The following DACT3 variants were observed in gnomAD, a reference collection of about 807,000 sequenced individuals.
The protein encoded by DACT3 is dishevelled binding antagonist of beta catenin 3, also known as dapper homolog 3.
A neutral mutation model predicts 19.6 loss-of-function variants in DACT3; 5 were observed. That is an observed-to-expected ratio of 0.26 (90% CI 0.13 to 0.54). DACT3 has a LOEUF of 0.54. Ranked by LOEUF, DACT3 falls within the 20% of genes least tolerant of loss-of-function variation. The pLI is 0.95. For missense variants in DACT3, 908 were observed against 927.4 expected, an observed-to-expected ratio of 0.98 and a Z score of 0.27; for synonymous variants, 454 against 428.1, an observed-to-expected ratio of 1.06 and a Z score of -0.75.
At chr19:46,655,929 A>C (rs141960698) in intron 1 of DACT3, among the ~76,000 whole-genome samples, 64,380 of 123,256 alleles carry the variant, frequency 0.52, 14,603 homozygotes, top group African/African-American at 0.56. Flanking sequence ...CTCTCTCTAT[A>C]TATATATATA....
chr19:46,654,559 C>T (rs192669282), intron 1 of DACT3: 131 of 984,988 alleles, frequency 1.3e-4, no homozygotes, highest in Non-Finnish European at 1.5e-4. Flanking sequence ...AGGAAAAGAG[C>T]ACTTCTCACG....
intron 2 of DACT3, 80 bp from the exon 3 acceptor site, chr19:46,652,892 G>C: frequency 2.6e-6 from 4 of 1,540,360 alleles, no homozygotes; most frequent in Non-Finnish European, 2.6e-6. Context: ...GAGATGGCGT[G>C]GGGAGAGACA....
At position 46,649,306 on chromosome 19, in the gene DACT3, T is replaced by C; in HGVS notation, c.1066A>G (p.Lys356Glu). The C allele has an allele frequency of 1.6e-6, 2 of 1,230,744 alleles. No homozygotes were observed. The highest frequency in any genetic ancestry group is 3.8e-5 in the East Asian group (1 of 26,608). The allele number at this position is 1,230,744 out of a possible 1,614,324, so 76.2% of individuals were successfully genotyped here. Reference protein sequence around the residue: ...PDSPAEGRLVKAQYIPGAQAA... With the variant: ...PDSPAEGRLVEAQYIPGAQAA... ...TGCGCGCCCGGGATGTACTGCGCCTTCACCAAGCGGCCCTCAGCCGGGCTG... is the reference window on the plus strand; with the variant it reads ...TGCGCGCCCGGGATGTACTGCGCCTCCACCAAGCGGCCCTCAGCCGGGCTG... Residue 356 changes from lysine (K) to glutamate (E), a missense_variant, in exon 4 of 4, where the codon AAG (lysine) becomes GAG (glutamate). Physicochemically the swap from Lys to Glu is moderately conservative, Grantham distance 56. Transcript: ENST00000391916.
At chr19:46,654,522 G>A (rs1203105993) in intron 1 of DACT3, 1 of 919,024 alleles carries the variant, frequency 1.1e-6, no homozygotes, top group African/African-American at 1.8e-5. Context: ...AAATTTCCAT[G>A]AGTCTACCCT....
At chr19:46,653,835 T>C (rs2053009798) in intron 1 of DACT3, among the ~76,000 whole-genome samples, 1 of 152,160 alleles carries the variant, frequency 6.6e-6, no homozygotes, top group East Asian at 1.9e-4. Flanking sequence ...ATTACAGGCA[T>C]GAGCCACTGC....
chr19:46,661,092 C>A lies in DACT3; in HGVS notation c.-28G>T, dbSNP rs1205958902. ...CTGCGGCCCCCCGCCCCAGCCCGGC[C>A]GGGCCCCGCGGCCACCCCTCTCCCG... On this transcript the variant is annotated 5_prime_UTR_variant, in exon 1 of 4. Coordinates refer to ENST00000391916, the MANE Select transcript of DACT3 (RefSeq NM_145056.3). 1.9e-5 allele frequency: 27 copies of A among 1,397,452 alleles called. No individual in the cohort carries two copies. Among genetic ancestry groups the A allele is most frequent in the Non-Finnish European group, 2.3e-5 (25 of 1,083,962 alleles). The allele number at this position is 1,397,452 out of a possible 1,614,324, so 86.6% of individuals were successfully genotyped here.
intron 1 of DACT3, among the ~76,000 whole-genome samples, chr19:46,657,667 G>A (rs2053043223): frequency 6.6e-6 from 1 of 151,268 alleles, no homozygotes; most frequent in Non-Finnish European, 1.5e-5. Context: ...AGTTTCTTTT[G>A]ACACATAATA....
chr19:46,650,532 C>CT (rs1242199516), intron 3 of DACT3: 1 of 151,902 alleles, frequency 6.6e-6, no homozygotes, highest in Non-Finnish European at 1.5e-5. Context: ...ATCCTCTCGC[C>CT]TTATCTTCCT....
At chr19:46,657,447 G>A (rs2053041532) in intron 1 of DACT3, among the ~76,000 whole-genome samples, 3 of 144,420 alleles carry the variant, frequency 2.1e-5, no homozygotes, top group South Asian at 2.3e-4. Flanking sequence ...TCCGCCTCCC[G>A]GGTTCACGCC....
intron 1 of DACT3, chr19:46,659,390 G>A (rs566878768): frequency 2.1e-6 from 2 of 974,658 alleles, no homozygotes; most frequent in Non-Finnish European, 2.4e-6. Context: ...GAGGGCAGAG[G>A]GGGAGAGGAC....
At position 46,648,827 on chromosome 19, in the gene DACT3, G is replaced by A; in HGVS notation, c.1545C>T (p.Tyr515=). Residue 515 remains tyrosine, a synonymous_variant, in exon 4 of 4, where the codon TAC becomes TAT. Transcript: ENST00000391916. This position sits in a 1 kb window ranked among gnomAD's most constrained non-coding sequence, Gnocchi z 5.1. ...ACTCGGAGTCGCTGCCCGCGCAGCC[G>A]TAAAGCAGACGACGCTGGGGAGCTG... ...SPSAPQRRLL[Y]GCAGSDSECS... is the part of the protein sequence containing the mutation. 1.3e-6 allele frequency: 2 copies of A among 1,512,370 alleles called. No individual in the cohort carries two copies. 93.7% of individuals were successfully genotyped at this position (1,512,370 alleles called of 1,614,324 possible).
chr19:46,649,425 C>A lies in DACT3; in HGVS notation c.947G>T (p.Ser316Ile). 7.9e-7 allele frequency: 1 copy of A among 1,269,210 alleles called. No homozygotes were observed. Among genetic ancestry groups the A allele is most frequent in the South Asian group, 1.9e-5 (1 of 51,890 alleles). 78.6% of individuals were successfully genotyped at this position (1,269,210 alleles called of 1,614,324 possible). A position where few individuals can be genotyped will look rare whatever the true frequency, so the allele number is the denominator to read the frequency against. The change falls in exon 4 of 4, where the codon AGC (serine) becomes ATC (isoleucine). Residue 316 changes from serine (S) to isoleucine (I), a missense_variant. Around this residue, in one of 2 missense-constraint regions of DACT3, gnomAD observed 656 missense variants for 601.8 expected, o/e 1.09. Transcript: ENST00000391916. ...SLERVGGHPT[S>I]PAALSRAWAS... ...CCAGGCGCGGCTCAAGGCGGCAGGGCTGGTGGGGTGGCCCCCGACGCGCTC... is the reference window on the plus strand; with the variant it reads ...CCAGGCGCGGCTCAAGGCGGCAGGGATGGTGGGGTGGCCCCCGACGCGCTC...
rs1187211977 is a variant in DACT3, at chr19:46,652,696, G to A, written c.463C>T (p.Arg155Trp). Reference sequence around the variant, plus strand: ...GGCCTCTCACTGGCATAGATGCCCCGGGGCTCAGAGGGACCCAGGCGACCA... The same window carrying A: ...GGCCTCTCACTGGCATAGATGCCCCAGGGCTCAGAGGGACCCAGGCGACCA... ...SYGRLGPSEP[R>W]GIYASERPKS... The change falls in exon 3 of 4, where the codon CGG becomes TGG. Residue 155 changes from arginine (R) to tryptophan (W), a missense_variant. Arg to Trp is a moderately radical substitution (Grantham distance 101). Coordinates refer to ENST00000391916, the MANE Select transcript of DACT3 (RefSeq NM_145056.3). The A allele has an allele frequency of 8.4e-6, 13 of 1,551,426 alleles. No individual in the cohort carries two copies. The highest frequency in any genetic ancestry group is 9.6e-6 in the Non-Finnish European group (11 of 1,146,972).
Position 46,648,948 on chromosome 19 carries a change from C to G in DACT3, c.1424G>C (p.Arg475Pro). The change falls in exon 4 of 4, where the codon CGC becomes CCC. Residue 475 changes from arginine (R) to proline (P), a missense_variant. Arg to Pro is a moderately radical substitution (Grantham distance 103). This residue lies in a region of DACT3 where 656 missense variants were observed against 601.8 expected (regional missense o/e 1.09). Coordinates refer to ENST00000391916, the MANE Select transcript of DACT3 (RefSeq NM_145056.3). The surrounding 1 kb of genome is among the most constrained non-coding windows in gnomAD (Gnocchi z 5.1). ...LAAQAAGSCR[R>P]WRSTAEIDAA... is the part of the protein sequence containing the mutation. ...GTCGATCTCCGCAGTGGAGCGCCAGCGACGGCAGGACCCTGCGGCCTGGGC... is the reference window on the plus strand; with the variant it reads ...GTCGATCTCCGCAGTGGAGCGCCAGGGACGGCAGGACCCTGCGGCCTGGGC... 1 of 1,338,250 alleles carries G rather than the reference C, an allele frequency of 7.5e-7. No homozygotes were observed. The highest frequency in any genetic ancestry group is 1.5e-5 in the African/African-American group (1 of 64,688). The allele number at this position is 1,338,250 out of a possible 1,614,324, so 82.9% of individuals were successfully genotyped here.
intron 1 of DACT3, chr19:46,654,940 C>T (rs937130342): frequency 3.1e-5 from 31 of 985,236 alleles, no homozygotes; most frequent in Non-Finnish European, 3.5e-5. Context: ...CTCTGGGCTC[C>T]TGCCCTGGGT....
chr19:46,652,812 C>T lies in DACT3; in HGVS notation c.347G>A (p.Gly116Asp). The T allele has an allele frequency of 6.5e-7, 1 of 1,548,280 alleles. No individual in the cohort carries two copies. The highest frequency in any genetic ancestry group is 1.2e-5 in the South Asian group (1 of 83,966). The part of the protein sequence containing the change: ...GLEQESGRSS[G>D]FYEDPSSTGG... The stretch of plus-strand genomic sequence containing the variant: ...TGTAGAGCTGGGATCTTCATAGAAG[C>T]CTAAATTTCCAGGAGAAGCAGAGAG... Residue 116 changes from glycine (G) to aspartate (D), a missense_variant and splice_region_variant, in exon 3 of 4, where the codon GGC becomes GAC. Transcript: ENST00000391916.
intron 1 of DACT3, among the ~76,000 whole-genome samples, chr19:46,659,698 A>G (rs967599864): frequency 1.3e-5 from 2 of 151,704 alleles, no homozygotes; most frequent in East Asian, 3.9e-4. Flanking sequence ...AGCGGCGGGG[A>G]GAGCCCCCTC....
Position 46,648,507 on chromosome 19 carries a change from G to A in DACT3, c.1865C>T (p.Ser622Phe). Residue 622 changes from serine (S) to phenylalanine (F), a missense_variant, in exon 4 of 4, where the codon TCT (serine) becomes TTT (phenylalanine). Transcript: ENST00000391916. This position sits in a 1 kb window ranked among gnomAD's most constrained non-coding sequence, Gnocchi z 5.1. ...TCACACTGTAGTCATGACCTTGAGA[G>A]AACCCGAACGGAAACGCAGTATCTT... is the stretch of plus-strand genomic sequence containing the variant. The part of the protein sequence containing the change: ...KKKILRFRSG[S>F]LKVMTTV 6.2e-7 allele frequency: 1 copy of A among 1,613,998 alleles called. No individual in the cohort carries two copies. The highest frequency in any genetic ancestry group is 8.5e-7 in the Non-Finnish European group (1 of 1,179,866).
rs543633292 is a variant in DACT3, at chr19:46,661,140, G to A, written c.-76C>T. ...CCGGTCCCACCTCCCCGCCCCAGCA[G>A]CCTGCCCGCCCGCCCGCTGGCCGGG... On this transcript the variant is annotated 5_prime_UTR_variant, in exon 1 of 4. Coordinates refer to ENST00000391916, the MANE Select transcript of DACT3 (RefSeq NM_145056.3). 23 of 1,302,976 alleles carry A rather than the reference G, an allele frequency of 1.8e-5. No homozygotes were observed. In the African/African-American group the frequency reaches 3.5e-4, roughly 20 times the overall value. The allele number at this position is 1,302,976 out of a possible 1,614,324, so 80.7% of individuals were successfully genotyped here.
Sources: gnomAD v4.1 joint callset for allele counts (sites outside exome capture counted in the v4.1 genomes callset) on GRCh38, gnomAD v4.1.1 for gene constraint, gnomAD v4.1.1 regional missense constraint, Gnocchi (gnomAD v3.1) non-coding constraint, MANE v1.5 for transcripts, NCBI Gene and HGNC (gene_info 2026-07-23, HGNC 2026-07-21) for gene names.